Variants in VPS54 observed in about 807,000 individuals in gnomAD.
VPS54 encodes the protein vacuolar protein sorting-associated protein 54.
VPS54 carries 45 observed loss-of-function variants against 121.5 expected under a neutral mutation model. That is an observed-to-expected ratio of 0.37 (90% confidence interval 0.29 to 0.47). VPS54 has a LOEUF of 0.47. Among genes scored for constraint, VPS54 ranks in the 20% least tolerant of loss-of-function variants. The pLI is 0.99. For missense variants in VPS54, 1,090 were observed against 1,131.4 expected, an observed-to-expected ratio of 0.96 and a Z score of 0.52; for synonymous variants, 371 against 385.8, an observed-to-expected ratio of 0.96 and a Z score of 0.45.
At chr2:63,996,457 T>C (rs1266149926) in intron 1 of VPS54, among the ~76,000 whole-genome samples, 2 of 152,142 alleles carry the variant, frequency 1.3e-5, no homozygotes, top group African/African-American at 2.4e-5. Context: ...TCCCAAAGCA[T>C]GTGTGTTCGA....
chr2:63,953,339 G>A (rs1476660514), intron 7 of VPS54, among the ~76,000 whole-genome samples: 1 of 151,804 alleles, frequency 6.6e-6, no homozygotes, highest in African/African-American at 2.4e-5. Context: ...CACCATATTG[G>A]CCAGGCTGGT....
chr2:63,955,357 T>C (rs192857847), intron 7 of VPS54, among the ~76,000 whole-genome samples: 3 of 152,190 alleles, frequency 2.0e-5, no homozygotes, highest in Admixed American at 2.0e-4. Context: ...GATTCTTTTT[T>C]AATGCAGACT....
chr2:63,942,512 G>A lies in VPS54; in HGVS notation c.1351C>T (p.Leu451Phe), dbSNP rs200459519. 2.8e-4 allele frequency: 441 copies of A among 1,598,782 alleles called. 1 individual carries two copies. The highest frequency in any genetic ancestry group is 3.3e-4 in the Non-Finnish European group (392 of 1,171,606). Residue 451 changes from leucine (L) to phenylalanine (F), a missense_variant, in exon 11 of 23, where the codon CTC (leucine) becomes TTC (phenylalanine). Coordinates refer to ENST00000272322, the MANE Select transcript of VPS54 (RefSeq NM_016516.3). ...MLNFPQWFDL[L>F]KDIFSKFTIF... ...GTAAACTTAGAGAAAATATCCTTGAGCAGATCAAACCACTGGGGAAAATTC... is the reference window on the plus strand; with the variant it reads ...GTAAACTTAGAGAAAATATCCTTGAACAGATCAAACCACTGGGGAAAATTC...
chr2:63,928,705 A>G (rs1674036982), intron 12 of VPS54, among the ~76,000 whole-genome samples: 1 of 152,160 alleles, frequency 6.6e-6, no homozygotes, highest in South Asian at 2.1e-4. Flanking sequence ...ATTAAAAGAC[A>G]CAGACTGGCA....
intron 2 of VPS54, among the ~76,000 whole-genome samples, chr2:63,982,905 C>T (rs1442683100): frequency 1.3e-5 from 2 of 152,194 alleles, no homozygotes; most frequent in Admixed American, 6.5e-5. Context: ...AAATCTTTCA[C>T]TGCTCTGCAC....
chr2:63,978,300 G>C (rs1676641505), intron 3 of VPS54, among the ~76,000 whole-genome samples: 1 of 152,170 alleles, frequency 6.6e-6, no homozygotes, highest in East Asian at 1.9e-4. Flanking sequence ...CGGTATATGA[G>C]AGTTCCAGTT....
chr2:63,984,189 AAGAT>A (rs1347071215), intron 1 of VPS54, among the ~76,000 whole-genome samples, 170 bp from the exon 2 acceptor site: 2 of 152,260 alleles, frequency 1.3e-5, no homozygotes, highest in Non-Finnish European at 2.9e-5. Flanking sequence ...TTAGTTTACT[AAGAT>A]AGTTATTTGT....
chr2:63,976,027 G>C (rs918127645), intron 3 of VPS54, among the ~76,000 whole-genome samples: 3 of 152,188 alleles, frequency 2.0e-5, no homozygotes, highest in African/African-American at 7.2e-5. Flanking sequence ...GACACGCCCG[G>C]TACATTCTTT....
At chr2:63,903,311 C>A (rs78528265) in intron 20 of VPS54, among the ~76,000 whole-genome samples, 3,337 of 152,252 alleles carry the variant, frequency 0.022, 111 homozygotes, top group African/African-American at 0.075. Context: ...GCAAAAATAT[C>A]TTTGAAAAGT....
intron 20 of VPS54, among the ~76,000 whole-genome samples, chr2:63,900,056 A>C (rs1159438649): frequency 6.6e-6 from 1 of 152,146 alleles, no homozygotes; most frequent in Non-Finnish European, 1.5e-5. Context: ...ATTACGTTTT[A>C]AACAATTTAA....
At chr2:63,893,682 T>A in intron 22 of VPS54, 147 bp from the exon 23 acceptor site, 2 of 658,536 alleles carry the variant, frequency 3.0e-6, no homozygotes, top group South Asian at 4.2e-5. Flanking sequence ...TTAGCAGGAT[T>A]CCTGCTATGA....
chr2:63,982,154 G>A (rs1055803006), intron 2 of VPS54, among the ~76,000 whole-genome samples: 1 of 152,042 alleles, frequency 6.6e-6, no homozygotes, highest in African/African-American at 2.4e-5. Context: ...AGTAAAGAAA[G>A]TCTTTCATGA....
chr2:63,940,423 T>C (rs1466767428), intron 11 of VPS54, among the ~76,000 whole-genome samples: 7 of 152,192 alleles, frequency 4.6e-5, no homozygotes, highest in Non-Finnish European at 1.0e-4. Context: ...AGTTTTCATA[T>C]AGCACATACA....
chr2:63,937,020 T>C (rs1046379561), intron 11 of VPS54, among the ~76,000 whole-genome samples: 3 of 152,112 alleles, frequency 2.0e-5, no homozygotes, highest in African/African-American at 7.2e-5. Context: ...AAGGCCTAAA[T>C]ATAAGCTCTA....
At chr2:63,895,369 G>C (rs1172699797) in intron 22 of VPS54, among the ~76,000 whole-genome samples, 1 of 152,180 alleles carries the variant, frequency 6.6e-6, no homozygotes, top group Non-Finnish European at 1.5e-5. Flanking sequence ...CAGGAGAATT[G>C]CTTGAACCTG....
In VPS54 at chr2:63,970,194, T is replaced by TA. The variant is rs200724977; in HGVS notation, c.458-1204dup. ...ATAAACATGCTCAGTTCTTTCCCAT[T>TA]AAAAAAAAATATATATATACACACA... is the stretch of plus-strand genomic sequence containing the variant. On this transcript the variant is annotated intron_variant, in intron 4 of 22. Coordinates refer to ENST00000272322, the MANE Select transcript of VPS54 (RefSeq NM_016516.3). Among the ~76,000 whole-genome samples, 124 of 85,526 alleles carry TA rather than the reference T, an allele frequency of 1.4e-3. 1 individual carries two copies. Among genetic ancestry groups the TA allele is most frequent in the East Asian group, 0.011 (48 of 4,306 alleles). 56.1% of individuals were successfully genotyped at this position (85,526 alleles called of 152,430 possible).
At chr2:63,903,197 G>A (rs1184264412) in intron 20 of VPS54, among the ~76,000 whole-genome samples, 1 of 152,104 alleles carries the variant, frequency 6.6e-6, no homozygotes, top group Non-Finnish European at 1.5e-5. Context: ...GAAAATCAAA[G>A]ACAATATTTT....
In VPS54 at chr2:63,914,177, C is replaced by G. The variant is rs1212519811; in HGVS notation, c.2334+5G>C. 2 of 1,602,712 alleles carry G rather than the reference C, an allele frequency of 1.2e-6. No homozygotes were observed. Among genetic ancestry groups the G allele is most frequent in the Non-Finnish European group, 1.7e-6 (2 of 1,170,384 alleles). On this transcript the variant is annotated splice_donor_5th_base_variant and intron_variant, in intron 17 of 22. Coordinates refer to ENST00000272322, the MANE Select transcript of VPS54 (RefSeq NM_016516.3). ...TTTTCCATAATGGAGTGAAGTCATA[C>G]ATACCTTCAATAAATCTGACAGACG...
intron 11 of VPS54, among the ~76,000 whole-genome samples, chr2:63,941,982 C>T (rs964806213): frequency 6.0e-5 from 8 of 133,082 alleles, no homozygotes; most frequent in African/African-American, 2.3e-4. Context: ...TGCGGTGAGC[C>T]AAGATTGCGC....
Sources: gnomAD v4.1 joint callset for allele counts (sites outside exome capture counted in the v4.1 genomes callset) on GRCh38, gnomAD v4.1.1 for gene constraint, MANE v1.5 for transcripts, NCBI Gene and HGNC (gene_info 2026-07-23, HGNC 2026-07-21) for gene names.